Variants in WWTR1 observed in about 807,000 individuals in gnomAD.
WWTR1 encodes WW domain containing transcription regulator 1.
WWTR1 carries 13 observed loss-of-function variants against 40.1 expected under a neutral mutation model. The ratio of observed to expected loss-of-function variants is 0.32; its 90% CI spans 0.21 to 0.52. The LOEUF is 0.52. Among genes scored for constraint, WWTR1 ranks in the 20% least tolerant of loss-of-function variants. The probability of loss-of-function intolerance (pLI) is 0.97; values close to 1 mark genes in which losing one functional copy is unlikely to be tolerated. For synonymous variants in WWTR1, 230 were observed against 210.1 expected (o/e 1.09, Z -0.82); for missense variants, 436 against 523.1 (o/e 0.83, Z 1.63).
intron 3 of WWTR1, among the ~76,000 whole-genome samples, chr3:149,559,411 G>T (rs915658300): frequency 6.6e-6 from 1 of 151,778 alleles, no homozygotes; most frequent in African/African-American, 2.4e-5. Flanking sequence ...GTCTCAAATG[G>T]TTCAGAAAAA....
chr3:149,691,600 T>C (rs1714828279), intron 1 of WWTR1, among the ~76,000 whole-genome samples: 1 of 151,872 alleles, frequency 6.6e-6, no homozygotes, highest in East Asian at 1.9e-4. Context: ...CCTACCAAGA[T>C]GGAACCACAA....
intron 5 of WWTR1, among the ~76,000 whole-genome samples, chr3:149,711,402 T>C (rs1195763526): frequency 6.6e-6 from 1 of 152,140 alleles, no homozygotes; most frequent in Non-Finnish European, 1.5e-5. Flanking sequence ...AATAAATAAT[T>C]CTACTATTAT....
intron 2 of WWTR1, among the ~76,000 whole-genome samples, chr3:149,664,984 G>A (rs1322879583): frequency 1.3e-5 from 2 of 152,118 alleles, no homozygotes; most frequent in Non-Finnish European, 2.9e-5. Context: ...CTTAACTTCA[G>A]TACCTTATGT....
rs6780581 is a variant in WWTR1, at chr3:149,650,788, G to T, written c.431+6088C>A. ...ATGCTGAAGCAAAAGGGCACTTACA[G>T]TGAGCATTCCTATTTAGGTTTCTCT... On this transcript the variant is annotated intron_variant, in intron 2 of 6. Coordinates refer to ENST00000360632, the MANE Select transcript of WWTR1 (RefSeq NM_015472.6). Among the ~76,000 whole-genome samples the T allele has an allele frequency of 8.9e-3, 1,361 of 152,346 alleles. 21 individuals carry two copies. The highest frequency in any genetic ancestry group is 0.031 in the African/African-American group (1,295 of 41,580).
chr3:149,675,300 G>A (rs1337456969), intron 1 of WWTR1, among the ~76,000 whole-genome samples: 3 of 152,200 alleles, frequency 2.0e-5, no homozygotes, highest in Admixed American at 1.3e-4. Flanking sequence ...GACGTCTGCT[G>A]AAGGACTTTA....
At chr3:149,667,607 T>A (rs559244487) in intron 2 of WWTR1, among the ~76,000 whole-genome samples, 1 of 151,926 alleles carries the variant, frequency 6.6e-6, no homozygotes, top group African/African-American at 2.4e-5. Context: ...CAACCCAGCA[T>A]CCCACTATGC....
chr3:149,690,642 G>T (rs1012991402), intron 1 of WWTR1, among the ~76,000 whole-genome samples: 3 of 152,186 alleles, frequency 2.0e-5, no homozygotes, highest in Non-Finnish European at 4.4e-5. Flanking sequence ...GCTAAAGATA[G>T]AGATAGATCC....
At chr3:149,696,396 T>G (rs1714993121) in intron 1 of WWTR1, among the ~76,000 whole-genome samples, 1 of 152,142 alleles carries the variant, frequency 6.6e-6, no homozygotes, top group Non-Finnish European at 1.5e-5. Context: ...CAACCAACCT[T>G]TACAGGAATT....
intron 4 of WWTR1, among the ~76,000 whole-genome samples, chr3:149,529,399 G>A (rs893643477): frequency 6.6e-6 from 1 of 152,032 alleles, no homozygotes; most frequent in South Asian, 2.1e-4. Flanking sequence ...CAAACCATGA[G>A]AGACCTGATT....
At chr3:149,637,023 G>A (rs1051320035) in intron 2 of WWTR1, among the ~76,000 whole-genome samples, 4 of 148,294 alleles carry the variant, frequency 2.7e-5, no homozygotes, top group Non-Finnish European at 4.5e-5. Flanking sequence ...GGTAAGATTT[G>A]GTTCTTGTCA....
chr3:149,601,127 C>A (rs1466134185), intron 2 of WWTR1, among the ~76,000 whole-genome samples: 1 of 152,146 alleles, frequency 6.6e-6, no homozygotes, highest in Non-Finnish European at 1.5e-5. Context: ...TCTAATTATT[C>A]AACATTTCCA....
intron 2 of WWTR1, among the ~76,000 whole-genome samples, chr3:149,668,462 G>C (rs1022219790): frequency 6.6e-6 from 1 of 152,050 alleles, no homozygotes; most frequent in East Asian, 1.9e-4. Context: ...CAAAAAATTA[G>C]CCGGGCATGG....
intron 2 of WWTR1, among the ~76,000 whole-genome samples, chr3:149,663,327 T>C (rs771501348): frequency 1.1e-4 from 13 of 117,190 alleles, no homozygotes; most frequent in Non-Finnish European, 1.8e-4. Context: ...ATATATTGTA[T>C]TGTAAAATTC....
chr3:149,563,498 G>C (rs998827129), intron 3 of WWTR1, among the ~76,000 whole-genome samples: 1 of 152,164 alleles, frequency 6.6e-6, no homozygotes, highest in African/African-American at 2.4e-5. Flanking sequence ...GGGTCAAGAT[G>C]CTCTGGGAAG....
chr3:149,644,793 T>C (rs546460479), intron 2 of WWTR1, among the ~76,000 whole-genome samples: 14 of 152,318 alleles, frequency 9.2e-5, no homozygotes, highest in African/African-American at 3.4e-4. Context: ...CTAGTGTGTG[T>C]CTTGGGGTTG....
chr3:149,644,852 T>C (rs1428225977), intron 2 of WWTR1, among the ~76,000 whole-genome samples: 1 of 152,104 alleles, frequency 6.6e-6, no homozygotes, highest in Non-Finnish European at 1.5e-5. Flanking sequence ...TGTTCACTTC[T>C]TTTTTTACTT....
intron 2 of WWTR1, among the ~76,000 whole-genome samples, chr3:149,631,382 T>C (rs1711543819): frequency 1.3e-5 from 2 of 152,214 alleles, no homozygotes; most frequent in African/African-American, 2.4e-5. Flanking sequence ...TGATTCTTAA[T>C]GACATTAGCA....
At chr3:149,591,449 T>C (rs756466872) in intron 2 of WWTR1, among the ~76,000 whole-genome samples, 1 of 152,204 alleles carries the variant, frequency 6.6e-6, no homozygotes, top group South Asian at 2.1e-4. Flanking sequence ...TTTTAATAAC[T>C]AGGGAAAATA....
At chr3:149,691,193 A>G (rs995478410) in intron 1 of WWTR1, among the ~76,000 whole-genome samples, 2 of 152,058 alleles carry the variant, frequency 1.3e-5, no homozygotes, top group Non-Finnish European at 2.9e-5. Context: ...GTTTATAGCA[A>G]TAAATGCCTA....
Sources: gnomAD v4.1 joint callset for allele counts (sites outside exome capture counted in the v4.1 genomes callset) on GRCh38, gnomAD v4.1.1 for gene constraint, MANE v1.5 for transcripts, NCBI Gene and HGNC (gene_info 2026-07-23, HGNC 2026-07-21) for gene names.